The following DTNB variants were observed in gnomAD, a reference collection of about 807,000 sequenced individuals.
DTNB encodes dystrobrevin beta.
DTNB carries 63 observed loss-of-function variants against 90.7 expected under a neutral mutation model. That is an observed-to-expected ratio of 0.69 (90% CI 0.57 to 0.86). The LOEUF (loss-of-function observed/expected upper bound fraction) is 0.86. DTNB is among the 40% of genes least tolerant of loss of function. The pLI, the probability that DTNB is intolerant of heterozygous loss-of-function variation, is 0.00. For missense variants in DTNB, 744 were observed against 807.1 expected, an observed-to-expected ratio of 0.92 and a Z score of 0.95; for synonymous variants, 277 against 286.7, an observed-to-expected ratio of 0.97 and a Z score of 0.34.
At chr2:25,402,693 A>AG in intron 16 of DTNB, among the ~76,000 whole-genome samples, 1 of 152,330 alleles carries the variant, frequency 6.6e-6, no homozygotes, top group Non-Finnish European at 1.5e-5. Flanking sequence ...CTCAGGGCTC[A>AG]TGCATAACCT....
intron 12 of DTNB, among the ~76,000 whole-genome samples, chr2:25,434,293 A>G (rs1047854297): frequency 7.3e-5 from 11 of 150,866 alleles, no homozygotes; most frequent in African/African-American, 2.7e-4. Context: ...TTCTGTCTAT[A>G]GTTCTGCCTT....
At chr2:25,622,569 C>T (rs905490800) in intron 4 of DTNB, among the ~76,000 whole-genome samples, 6 of 152,126 alleles carry the variant, frequency 3.9e-5, no homozygotes, top group African/African-American at 1.4e-4. Flanking sequence ...TAAGGCACCC[C>T]ATACTCCTAC....
intron 10 of DTNB, among the ~76,000 whole-genome samples, chr2:25,459,215 G>A (rs1284063036): frequency 6.6e-6 from 1 of 151,492 alleles, no homozygotes; most frequent in African/African-American, 2.4e-5. Flanking sequence ...TGAAAAGTTG[G>A]GAAAAAATGT....
At chr2:25,377,904 G>T (rs1252211206) in intron 20 of DTNB, among the ~76,000 whole-genome samples, 2 of 152,166 alleles carry the variant, frequency 1.3e-5, no homozygotes, top group Non-Finnish European at 2.9e-5. Flanking sequence ...GCGCAGGCCT[G>T]GGCATCCATG....
intron 19 of DTNB, among the ~76,000 whole-genome samples, chr2:25,381,361 C>G (rs1045219210): frequency 6.6e-6 from 1 of 152,274 alleles, no homozygotes; most frequent in South Asian, 2.1e-4. Context: ...GTCTGAAACA[C>G]TACTGCTCTC....
chr2:25,607,258 T>G lies in DTNB; in HGVS notation c.426A>C (p.Gly142=), dbSNP rs757233674. ...TACATCTCAATTTGTCCAGCATTTT[T>G]CCACCACACATGGTTGCTAACATAG... ...VKAMLATMCG[G]KMLDKLRYVF... is the part of the protein sequence containing the mutation. The change falls in exon 5 of 21, where the codon GGA becomes GGC. Residue 142 remains glycine (G), a synonymous_variant. Coordinates refer to ENST00000406818, the MANE Select transcript of DTNB (RefSeq NM_021907.5). 1 of 1,606,226 alleles carries G rather than the reference T, an allele frequency of 6.2e-7. No homozygotes were observed.
chr2:25,673,442 T>TC lies in DTNB; in HGVS notation c.-59dup, dbSNP rs2086596979. Reference sequence around the variant, plus strand: ...TCGGGAAGGTCTCCTGCGGCCTCACTCCTCCGCACGCTCCGGCCCAGCCCC... The same window carrying TC: ...TCGGGAAGGTCTCCTGCGGCCTCACTCCCTCCGCACGCTCCGGCCCAGCCCC... On this transcript the variant is annotated 5_prime_UTR_variant, in exon 1 of 21. Coordinates refer to ENST00000406818, the MANE Select transcript of DTNB (RefSeq NM_021907.5). The TC allele has an allele frequency of 6.6e-6, 1 of 150,532 alleles. No individual in the cohort carries two copies. The highest frequency in any genetic ancestry group is 2.1e-4 in the South Asian group (1 of 4,806). 9.3% of individuals were successfully genotyped at this position (150,532 alleles called of 1,614,324 possible). A position where few individuals can be genotyped will look rare whatever the true frequency, so the allele number is the denominator to read the frequency against.
At chr2:25,565,734 C>T (rs948327937) in intron 8 of DTNB, among the ~76,000 whole-genome samples, 7 of 152,052 alleles carry the variant, frequency 4.6e-5, no homozygotes, top group Admixed American at 1.3e-4. Context: ...TTTTTGCATG[C>T]AAACCAACTT....
chr2:25,624,232 C>T (rs539325553), intron 4 of DTNB, among the ~76,000 whole-genome samples: 2 of 152,322 alleles, frequency 1.3e-5, no homozygotes, highest in East Asian at 3.9e-4. Flanking sequence ...CAATGTAAAT[C>T]TTAAGCGTAT....
At chr2:25,621,491 G>C (rs1017927460) in intron 4 of DTNB, among the ~76,000 whole-genome samples, 6 of 145,218 alleles carry the variant, frequency 4.1e-5, no homozygotes, top group African/African-American at 1.5e-4. Context: ...TTATTGCCCA[G>C]GCTGAAGTGC....
At chr2:25,469,208 A>G (rs190953455) in intron 10 of DTNB, among the ~76,000 whole-genome samples, 4 of 152,330 alleles carry the variant, frequency 2.6e-5, no homozygotes, top group African/African-American at 9.6e-5. Context: ...TCCCTCAGAA[A>G]GTGACATCAA....
At chr2:25,654,330 T>C (rs1303402434) in intron 1 of DTNB, among the ~76,000 whole-genome samples, 1 of 152,178 alleles carries the variant, frequency 6.6e-6, no homozygotes, top group Non-Finnish European at 1.5e-5. Context: ...CATTTAGCAA[T>C]ATCTACAGTC....
intron 6 of DTNB, among the ~76,000 whole-genome samples, chr2:25,589,356 CTTTTTCTTTTCTTTTTT>C (rs2063063937): frequency 1.5e-5 from 1 of 65,456 alleles, no homozygotes; most frequent in Admixed American, 1.6e-4. Flanking sequence ...ATTCAGGTTT[CTTTTTCTTTTCTTTTTT>C]TTTTTTTTTT....
intron 3 of DTNB, among the ~76,000 whole-genome samples, chr2:25,631,258 G>A (rs985761142): frequency 6.6e-6 from 1 of 152,126 alleles, no homozygotes; most frequent in African/African-American, 2.4e-5. Flanking sequence ...TTGTTAAAGA[G>A]GGTCAGCGAA....
intron 8 of DTNB, among the ~76,000 whole-genome samples, chr2:25,571,537 T>A (rs2059866628): frequency 6.6e-6 from 1 of 152,172 alleles, no homozygotes; most frequent in Non-Finnish European, 1.5e-5. Flanking sequence ...GAACACTACC[T>A]CTTCTCTTCC....
At chr2:25,544,153 G>A (rs2081959119) in intron 8 of DTNB, among the ~76,000 whole-genome samples, 1 of 152,200 alleles carries the variant, frequency 6.6e-6, no homozygotes, top group Non-Finnish European at 1.5e-5. Context: ...GGGCTCGCGG[G>A]TTGGGTCATG....
chr2:25,442,533 G>C (rs551704582), intron 12 of DTNB, among the ~76,000 whole-genome samples: 1 of 152,308 alleles, frequency 6.6e-6, no homozygotes, highest in African/African-American at 2.4e-5. Context: ...GCTGCTCTAA[G>C]AATCAGAGTT....
rs1333911554 is a variant in DTNB, at chr2:25,552,848, T to A, written c.877-21251A>T. ...ATATAATTTCTCTTTTTGATTTTTT[T>A]TTTTTTTTTTTTTTTTTTTTTTTGA... On this transcript the variant is annotated intron_variant, in intron 8 of 20. Transcript: ENST00000406818. Among the ~76,000 whole-genome samples, 18 of 123,026 alleles carry A rather than the reference T, an allele frequency of 1.5e-4. 1 individual carries two copies. The highest frequency in any genetic ancestry group is 5.6e-4 in the African/African-American group (18 of 31,936). 80.7% of individuals were successfully genotyped at this position (123,026 alleles called of 152,430 possible).
At chr2:25,603,534 C>A (rs1464232876) in intron 5 of DTNB, among the ~76,000 whole-genome samples, 2 of 151,828 alleles carry the variant, frequency 1.3e-5, no homozygotes, top group Admixed American at 6.6e-5. Flanking sequence ...ACAGAAAGTA[C>A]AAATATTTGT....
Sources: allele counts gnomAD v4.1 joint callset (sites outside exome capture counted in the v4.1 genomes callset), GRCh38; gene constraint gnomAD v4.1.1; transcripts MANE v1.5; gene names NCBI Gene and HGNC (gene_info 2026-07-23, HGNC 2026-07-21).